The following DMC1 variants were observed in gnomAD, a reference collection of about 807,000 sequenced individuals.
DMC1 encodes meiotic recombination protein DMC1 homolog.
Under a neutral mutation model 50.1 loss-of-function variants are expected in DMC1, and 27 were observed. The observed-to-expected ratio is 0.54, with a 90% CI of 0.40 to 0.74. DMC1 has a LOEUF of 0.74. DMC1 is among the 30% of genes least tolerant of loss of function. The probability of loss-of-function intolerance (pLI) is 0.00; values close to 1 mark genes in which losing one functional copy is unlikely to be tolerated. For synonymous variants in DMC1, 148 were observed against 136.1 expected, an observed-to-expected ratio of 1.09 and a Z score of -0.61; for missense variants, 295 against 420.2, an observed-to-expected ratio of 0.70 and a Z score of 2.60.
intron 8 of DMC1, among the ~76,000 whole-genome samples, chr22:38,540,190 C>A (rs1030831625): frequency 6.6e-6 from 1 of 151,952 alleles, no homozygotes; most frequent in Non-Finnish European, 1.5e-5. Flanking sequence ...TGATTACAGG[C>A]GCGAGCCATC....
chr22:38,548,367 A>C (rs2090366791), intron 8 of DMC1, among the ~76,000 whole-genome samples: 1 of 152,224 alleles, frequency 6.6e-6, no homozygotes, highest in Non-Finnish European at 1.5e-5. Context: ...TGAGCCCAGG[A>C]GTTGGAGATC....
chr22:38,568,232 C>A lies in DMC1; in HGVS notation c.25G>T (p.Glu9Ter). The change falls in exon 2 of 14, where the codon GAA becomes TAA. Residue 9 changes from glutamate (E) to a stop codon, truncating the protein, a stop_gained. Transcript: ENST00000216024. LOFTEE classifies it high-confidence loss of function. ...TCTTCATCTTGGAATCCTGGTTCTT[C>A]CGCCACAACTTGATCCTCCTTCATA... is the stretch of plus-strand genomic sequence containing the variant. MKEDQVVA[E>*]EPGFQDEEES... 6.2e-7 allele frequency: 1 copy of A among 1,614,110 alleles called. No individual in the cohort carries two copies. Among genetic ancestry groups the A allele is most frequent in the Non-Finnish European group, 8.5e-7 (1 of 1,179,994 alleles).
chr22:38,562,226 G>A, intron 5 of DMC1, 61 bp downstream of exon 5: 1 of 1,112,760 alleles, frequency 9.0e-7, no homozygotes, highest in East Asian at 2.4e-5. Context: ...CCAGAAAGAG[G>A]AAAAGAAACA....
chr22:38,515,012 T>G (rs2089966788), downstream of DMC1, among the ~76,000 whole-genome samples: 2 of 147,772 alleles, frequency 1.4e-5, no homozygotes, highest in Non-Finnish European at 3.0e-5. Flanking sequence ...GGACTACAGG[T>G]GCCAGCCACC....
downstream of DMC1, among the ~76,000 whole-genome samples, chr22:38,517,680 T>C (rs1231722372): frequency 6.6e-6 from 1 of 152,234 alleles, no homozygotes; most frequent in African/African-American, 2.4e-5. Context: ...AAAGCCTTCC[T>C]TTCCCTAGGA....
At position 38,538,620 on chromosome 22, in the gene DMC1, G is replaced by A. The variant is rs926122282; in HGVS notation, c.587-8C>T. On this transcript the variant is annotated splice_region_variant and splice_polypyrimidine_tract_variant and intron_variant, in intron 9 of 13. Coordinates refer to ENST00000216024, the MANE Select transcript of DMC1 (RefSeq NM_007068.4). ...GCTCCATCTGATGTTCACCTGATGG[G>A]AAATGCAGTGAGAAAATGTTATAAA... The A allele has an allele frequency of 6.2e-7, 1 of 1,608,264 alleles. No homozygotes were observed. The highest frequency in any genetic ancestry group is 8.5e-7 in the Non-Finnish European group (1 of 1,174,756).
At chr22:38,549,688 G>T (rs897278471) in intron 8 of DMC1, 30 of 458,616 alleles carry the variant, frequency 6.5e-5, no homozygotes, top group Non-Finnish European at 9.8e-5. Flanking sequence ...GATTAAAAAT[G>T]ATGATATAAT....
chr22:38,535,599 A>T (rs552236232), intron 12 of DMC1, among the ~76,000 whole-genome samples: 171 of 151,692 alleles, frequency 1.1e-3, no homozygotes, highest in South Asian at 1.9e-3. Flanking sequence ...AAAAACCTTT[A>T]AAAAAATCTT....
intron 12 of DMC1, among the ~76,000 whole-genome samples, chr22:38,522,755 T>C (rs1459498395): frequency 6.6e-6 from 1 of 152,232 alleles, no homozygotes; most frequent in East Asian, 1.9e-4. Context: ...TTCATGATTC[T>C]GGTTTTACTC....
Position 38,566,647 on chromosome 22 carries a change from G to A in DMC1, c.186C>T (p.Val62=). The A allele has an allele frequency of 6.2e-7, 1 of 1,614,130 alleles. No homozygotes were observed. Among genetic ancestry groups the A allele is most frequent in the Non-Finnish European group, 8.5e-7 (1 of 1,179,962 alleles). ...QMTTRRALCN[V]KGLSEAKVDK... is the part of the protein sequence containing the mutation. ...CTACTTTGGCTTCTGAGAGTCCTTTGACATTGCATAGAGCTCTTCTTGTTG... is the reference window on the plus strand; with the variant it reads ...CTACTTTGGCTTCTGAGAGTCCTTTAACATTGCATAGAGCTCTTCTTGTTG... The change falls in exon 4 of 14, where the codon GTC becomes GTT. Residue 62 remains valine (V), a synonymous_variant. Coordinates refer to ENST00000216024, the MANE Select transcript of DMC1 (RefSeq NM_007068.4).
At chr22:38,538,130 C>A (rs1047197870) in intron 11 of DMC1, among the ~76,000 whole-genome samples, 165 bp downstream of exon 11, 1 of 151,330 alleles carries the variant, frequency 6.6e-6, no homozygotes, top group Non-Finnish European at 1.5e-5. Context: ...GGCAACAGAG[C>A]GAGATACCAT....
At chr22:38,568,751 G>A (rs1158098735) in intron 1 of DMC1, among the ~76,000 whole-genome samples, 4 of 152,066 alleles carry the variant, frequency 2.6e-5, no homozygotes, top group African/African-American at 9.7e-5. Flanking sequence ...CTCAATAAAT[G>A]GATTCTATTT....
chr22:38,567,643 C>G lies in DMC1; in HGVS notation c.52-16G>C, dbSNP rs1264739809. 5 of 1,595,530 alleles carry G rather than the reference C, an allele frequency of 3.1e-6. No homozygotes were observed. The highest frequency in any genetic ancestry group is 4.3e-6 in the Non-Finnish European group (5 of 1,163,314). ...ACAAAGATTCCTAAAGGAGATGAAACAGAAAAAATGAAGTTTTGATTCTTC... is the reference window on the plus strand; with the variant it reads ...ACAAAGATTCCTAAAGGAGATGAAAGAGAAAAAATGAAGTTTTGATTCTTC... On this transcript the variant is annotated splice_polypyrimidine_tract_variant and intron_variant, in intron 2 of 13. Transcript: ENST00000216024.
At chr22:38,521,548 C>T (rs1027849645) in intron 13 of DMC1, 60 bp downstream of exon 13, 2 of 704,480 alleles carry the variant, frequency 2.8e-6, no homozygotes, top group Non-Finnish European at 4.7e-6. Flanking sequence ...TACACACACA[C>T]ACACACACAC....
At chr22:38,538,999 G>A (rs1183056778) in intron 9 of DMC1, among the ~76,000 whole-genome samples, 1 of 150,844 alleles carries the variant, frequency 6.6e-6, no homozygotes, top group African/African-American at 2.4e-5. Flanking sequence ...TCATACCACT[G>A]CACTCCAGCC....
intron 6 of DMC1, among the ~76,000 whole-genome samples, chr22:38,552,993 G>T (rs1428177575): frequency 6.6e-6 from 1 of 151,368 alleles, no homozygotes; most frequent in African/African-American, 2.4e-5. Flanking sequence ...GATTACAGGT[G>T]CCTGCCACCA....
At chr22:38,553,252 A>G (rs1428206269) in intron 6 of DMC1, among the ~76,000 whole-genome samples, 1 of 151,188 alleles carries the variant, frequency 6.6e-6, no homozygotes, top group Non-Finnish European at 1.5e-5. Flanking sequence ...TAATCCCAGC[A>G]CTTTGGGAGG....
chr22:38,552,569 G>T (rs933700273), intron 7 of DMC1, 97 bp downstream of exon 7: 2 of 945,644 alleles, frequency 2.1e-6, no homozygotes, highest in Non-Finnish European at 3.4e-6. Context: ...TTGCAAGTAT[G>T]TTCAGATATG....
intron 5 of DMC1, among the ~76,000 whole-genome samples, chr22:38,559,251 G>A (rs1448462834): frequency 6.6e-6 from 1 of 151,984 alleles, no homozygotes; most frequent in Non-Finnish European, 1.5e-5. Flanking sequence ...GGCTGGTCTC[G>A]AACTCCTGAT....
Sources: gnomAD v4.1 joint callset for allele counts (sites outside exome capture counted in the v4.1 genomes callset) on GRCh38, gnomAD v4.1.1 for gene constraint, MANE v1.5 for transcripts, NCBI Gene and HGNC (gene_info 2026-07-23, HGNC 2026-07-21) for gene names.